Variants in RALGAPA2 observed in about 807,000 individuals in gnomAD.
RALGAPA2 encodes ral GTPase-activating protein subunit alpha-2.
A neutral mutation model predicts 230.4 loss-of-function variants in RALGAPA2; 139 were observed. The ratio of observed to expected loss-of-function variants is 0.60; its 90% CI spans 0.53 to 0.69. The LOEUF (loss-of-function observed/expected upper bound fraction) is 0.69. Among genes scored for constraint, RALGAPA2 ranks in the 30% least tolerant of loss-of-function variants. The pLI, the probability that RALGAPA2 is intolerant of heterozygous loss-of-function variation, is 0.00. For missense variants in RALGAPA2, 2,163 were observed against 2,276.0 expected (o/e 0.95, Z 1.01); for synonymous variants, 847 against 837.8 (o/e 1.01, Z -0.19).
intron 37 of RALGAPA2, among the ~76,000 whole-genome samples, chr20:20,422,773 C>T (rs1009724281): frequency 7.2e-5 from 11 of 152,138 alleles, no homozygotes; most frequent in African/African-American, 2.7e-4. Context: ...GACCATGTGC[C>T]GCGACTGTTC....
intron 23 of RALGAPA2, among the ~76,000 whole-genome samples, chr20:20,559,876 C>A (rs925477200): frequency 6.6e-6 from 1 of 152,084 alleles, no homozygotes; most frequent in African/African-American, 2.4e-5. Context: ...TTCAAAAGGG[C>A]AAAGGAGATT....
intron 37 of RALGAPA2, among the ~76,000 whole-genome samples, chr20:20,433,937 T>C (rs541534959): frequency 1.2e-4 from 19 of 152,352 alleles, no homozygotes; most frequent in Non-Finnish European, 2.4e-4. Flanking sequence ...TAGTAAAGTA[T>C]ACTTAACAGC....
intron 24 of RALGAPA2, among the ~76,000 whole-genome samples, chr20:20,544,063 T>C (rs186578212): frequency 1.5e-4 from 22 of 151,710 alleles, no homozygotes; most frequent in Admixed American, 1.4e-3. Context: ...CACTGGTCAT[T>C]AGAGAAATGC....
intron 10 of RALGAPA2, among the ~76,000 whole-genome samples, chr20:20,622,450 A>T (rs1197947211): frequency 6.6e-6 from 1 of 152,240 alleles, no homozygotes; most frequent in Non-Finnish European, 1.5e-5. Context: ...GAAAAATCTT[A>T]AAAGCAGCCA....
At chr20:20,647,361 A>T (rs2067250837) in intron 4 of RALGAPA2, among the ~76,000 whole-genome samples, 1 of 152,224 alleles carries the variant, frequency 6.6e-6, no homozygotes, top group Non-Finnish European at 1.5e-5. Context: ...ATGGTATGCC[A>T]AGCCTGCTAG....
intron 1 of RALGAPA2, among the ~76,000 whole-genome samples, chr20:20,689,371 C>A (rs1046511231): frequency 4.6e-5 from 7 of 152,184 alleles, no homozygotes; most frequent in African/African-American, 1.7e-4. Flanking sequence ...AAGACAGGAA[C>A]AGTGGCTCAC....
intron 23 of RALGAPA2, among the ~76,000 whole-genome samples, chr20:20,555,382 T>A (rs2064053060): frequency 6.6e-6 from 1 of 152,262 alleles, no homozygotes; most frequent in Admixed American, 6.5e-5. Flanking sequence ...GTTCCTTTTC[T>A]AGATGGCTTT....
chr20:20,623,281 A>G (rs1380098724), intron 10 of RALGAPA2, among the ~76,000 whole-genome samples: 3 of 152,196 alleles, frequency 2.0e-5, no homozygotes, highest in African/African-American at 7.2e-5. Context: ...GAGTTAGCGA[A>G]AGATGTACCA....
intron 24 of RALGAPA2, 31 bp downstream of exon 24, chr20:20,546,673 G>C (rs774790399): frequency 6.4e-7 from 1 of 1,563,286 alleles, no homozygotes; most frequent in South Asian, 1.2e-5. Context: ...AGCCTCTTGG[G>C]AGCTGGGATG....
chr20:20,569,969 A>G (rs939115314), intron 23 of RALGAPA2, among the ~76,000 whole-genome samples: 6 of 152,136 alleles, frequency 3.9e-5, no homozygotes, highest in Admixed American at 1.3e-4. Flanking sequence ...GTTCATTATT[A>G]TCTGAGAGTT....
Position 20,472,844 on chromosome 20 carries a change from G to T in RALGAPA2, c.5480C>A (p.Pro1827Gln), listed in dbSNP as rs1363474982. 1.2e-6 allele frequency: 2 copies of T among 1,613,076 alleles called. No homozygotes were observed. The change falls in exon 37 of 40, where the codon CCA becomes CAA. Residue 1827 changes from proline (P) to glutamine (Q), a missense_variant. Transcript: ENST00000202677. ...AAAAAGATACAAGCTCTGGTAGAGT[G>T]GGATGAGGCACTTCACAGCCCTGCT... ...NASRAVKCLI[P>Q]LYQSFYEERA...
intron 23 of RALGAPA2, among the ~76,000 whole-genome samples, chr20:20,565,327 A>G (rs1188548493): frequency 6.6e-6 from 1 of 152,226 alleles, no homozygotes; most frequent in Admixed American, 6.5e-5. Flanking sequence ...TCAGCAAAGA[A>G]CAATTCTTTG....
Position 20,470,468 on chromosome 20 carries a change from T to C in RALGAPA2, c.5495+2361A>G, listed in dbSNP as rs117913612. Reference sequence around the variant, plus strand: ...TGTCATCTTAGCACAGCATCCAGAGTAAACTCCCACAGCTGCCTGATGTCA... The same window carrying C: ...TGTCATCTTAGCACAGCATCCAGAGCAAACTCCCACAGCTGCCTGATGTCA... On this transcript the variant is annotated intron_variant, in intron 37 of 39. Transcript: ENST00000202677. Among the ~76,000 whole-genome samples, 979 of 152,110 alleles carry C rather than the reference T, an allele frequency of 6.4e-3. 72 individuals carry two copies. In the East Asian group the frequency reaches 0.16, roughly 25 times the overall value.
chr20:20,418,719 G>A (rs955811111), intron 37 of RALGAPA2, among the ~76,000 whole-genome samples: 5 of 148,778 alleles, frequency 3.4e-5, no homozygotes, highest in Admixed American at 6.8e-5. Flanking sequence ...CACATTGAGT[G>A]CAATTCTATT....
At chr20:20,560,817 T>C (rs2064235925) in intron 23 of RALGAPA2, among the ~76,000 whole-genome samples, 2 of 152,200 alleles carry the variant, frequency 1.3e-5, no homozygotes, top group Admixed American at 1.3e-4. Context: ...TTCATAGAAC[T>C]CTAAATGAGA....
intron 37 of RALGAPA2, among the ~76,000 whole-genome samples, chr20:20,455,390 G>A (rs1569415041): frequency 1.3e-5 from 2 of 152,348 alleles, no homozygotes; most frequent in South Asian, 2.1e-4. Flanking sequence ...TAACGTGCAC[G>A]GAAACACTAA....
intron 10 of RALGAPA2, among the ~76,000 whole-genome samples, chr20:20,628,243 T>C (rs2066553614): frequency 6.6e-6 from 1 of 152,180 alleles, no homozygotes; most frequent in Non-Finnish European, 1.5e-5. Flanking sequence ...ACATTCACTA[T>C]CTCAAAAACT....
At chr20:20,560,076 T>A (rs1251945059) in intron 23 of RALGAPA2, among the ~76,000 whole-genome samples, 1 of 152,110 alleles carries the variant, frequency 6.6e-6, no homozygotes, top group Non-Finnish European at 1.5e-5. Flanking sequence ...CTTCCAGCAA[T>A]GACCTGTTAG....
At chr20:20,540,148 T>C (rs2063604977) in intron 24 of RALGAPA2, among the ~76,000 whole-genome samples, 1 of 152,230 alleles carries the variant, frequency 6.6e-6, no homozygotes, top group African/African-American at 2.4e-5. Context: ...CTGGGTCATA[T>C]GGTAGTTCTA....
Sources: allele counts gnomAD v4.1 joint callset (sites outside exome capture counted in the v4.1 genomes callset), GRCh38; gene constraint gnomAD v4.1.1; transcripts MANE v1.5; gene names NCBI Gene and HGNC (gene_info 2026-07-23, HGNC 2026-07-21).